PODXL: variants seen among roughly 807,000 people sequenced by gnomAD.
The protein encoded by PODXL is podocalyxin.
A neutral mutation model predicts 48.9 loss-of-function variants in PODXL; 20 were observed. The ratio of observed to expected loss-of-function variants is 0.41; its 90% CI spans 0.29 to 0.59. The LOEUF is 0.59. Among genes scored for constraint, PODXL ranks in the 20% least tolerant of loss-of-function variants. The pLI is 0.31. For missense variants in PODXL, 606 were observed against 675.1 expected, an observed-to-expected ratio of 0.90 and a Z score of 1.13; for synonymous variants, 295 against 287.4, an observed-to-expected ratio of 1.03 and a Z score of -0.27.
intron 1 of PODXL, among the ~76,000 whole-genome samples, chr7:131,544,651 TGTACTACGCACGCACGC>T (rs1798539967): frequency 1.2e-4 from 3 of 24,402 alleles, no homozygotes; most frequent in Non-Finnish European, 1.3e-3. Flanking sequence ...ACGCACGCCC[TGTACTACGCACGCACGC>T]CCTGTACTAC....
At chr7:131,521,555 G>A (rs1235944070) in intron 1 of PODXL, among the ~76,000 whole-genome samples, 1 of 152,088 alleles carries the variant, frequency 6.6e-6, no homozygotes, top group Non-Finnish European at 1.5e-5. Context: ...GGTTGGTCTC[G>A]AACTCCTGAC....
chr7:131,512,475 T>C (rs1019882188), intron 1 of PODXL, among the ~76,000 whole-genome samples: 1 of 152,062 alleles, frequency 6.6e-6, no homozygotes, highest in Non-Finnish European at 1.5e-5. Context: ...AGGAGAATGC[T>C]GTGTGAAGAA....
At chr7:131,546,859 C>T (rs996575634) in intron 1 of PODXL, among the ~76,000 whole-genome samples, 3 of 152,006 alleles carry the variant, frequency 2.0e-5, no homozygotes, top group Non-Finnish European at 4.4e-5. Flanking sequence ...TCAGTGGCTT[C>T]TTAGCTAAGC....
At chr7:131,547,782 C>T (rs958689275) in intron 1 of PODXL, among the ~76,000 whole-genome samples, 17 of 152,246 alleles carry the variant, frequency 1.1e-4, no homozygotes, top group Non-Finnish European at 2.9e-5. Flanking sequence ...CCCAAGCCCT[C>T]AGTGGCCCCC....
chr7:131,538,191 C>T (rs1199971782), intron 1 of PODXL, among the ~76,000 whole-genome samples: 1 of 152,034 alleles, frequency 6.6e-6, no homozygotes, highest in Non-Finnish European at 1.5e-5. Flanking sequence ...GGGAGGATGA[C>T]CCCCCTACCC....
At chr7:131,539,001 C>T (rs574070804) in intron 1 of PODXL, among the ~76,000 whole-genome samples, 1 of 152,346 alleles carries the variant, frequency 6.6e-6, no homozygotes, top group East Asian at 1.9e-4. Flanking sequence ...CAGGGACAGC[C>T]AACACACCAG....
intron 1 of PODXL, among the ~76,000 whole-genome samples, chr7:131,530,663 G>A (rs1562912053): frequency 6.6e-6 from 1 of 151,440 alleles, no homozygotes; most frequent in Non-Finnish European, 1.5e-5. Flanking sequence ...AGGATCACTT[G>A]AGCCCAGTGA....
intron 8 of PODXL, among the ~76,000 whole-genome samples, chr7:131,505,029 G>A (rs924433440): frequency 1.3e-5 from 2 of 152,126 alleles, no homozygotes; most frequent in Non-Finnish European, 2.9e-5. Flanking sequence ...CACCTGGGGA[G>A]CTTTTAACAA....
intron 1 of PODXL, among the ~76,000 whole-genome samples, chr7:131,515,555 C>T (rs867732946): frequency 6.6e-6 from 1 of 152,116 alleles, no homozygotes; most frequent in Non-Finnish European, 1.5e-5. Context: ...GTGCACGCCA[C>T]CATGCCCAAC....
At chr7:131,523,057 G>C (rs1798114226) in intron 1 of PODXL, among the ~76,000 whole-genome samples, 1 of 152,164 alleles carries the variant, frequency 6.6e-6, no homozygotes, top group Admixed American at 6.5e-5. Flanking sequence ...GATTGGAATT[G>C]CTAGGTCATA....
intron 6 of PODXL, 69 bp downstream of exon 6, chr7:131,506,510 G>A: frequency 6.5e-7 from 1 of 1,544,850 alleles, no homozygotes; most frequent in Non-Finnish European, 8.9e-7. Context: ...ACCCTCCAAT[G>A]TGGCTTCTGC....
intron 1 of PODXL, among the ~76,000 whole-genome samples, chr7:131,514,073 C>G (rs1562905865): frequency 6.6e-6 from 1 of 152,122 alleles, no homozygotes; most frequent in Non-Finnish European, 1.5e-5. Context: ...TTTGGTGTGG[C>G]CCAGTGGCTG....
intron 1 of PODXL, among the ~76,000 whole-genome samples, chr7:131,516,680 G>T (rs1281444940): frequency 1.3e-5 from 2 of 151,260 alleles, no homozygotes; most frequent in African/African-American, 4.9e-5. Context: ...TCTCTGAAAT[G>T]AGAATGTATT....
intron 1 of PODXL, among the ~76,000 whole-genome samples, chr7:131,530,721 G>A (rs1340236841): frequency 6.8e-6 from 1 of 146,018 alleles, no homozygotes; most frequent in Non-Finnish European, 1.5e-5. Context: ...TCACACCACT[G>A]CACTCCAGCC....
At chr7:131,543,484 A>G (rs1798516031) in intron 1 of PODXL, among the ~76,000 whole-genome samples, 1 of 152,126 alleles carries the variant, frequency 6.6e-6, no homozygotes, top group African/African-American at 2.4e-5. Context: ...CGCATCCCAG[A>G]GTCATAATGT....
At chr7:131,512,864 T>C (rs924920427) in intron 1 of PODXL, among the ~76,000 whole-genome samples, 1 of 151,836 alleles carries the variant, frequency 6.6e-6, no homozygotes, top group Non-Finnish European at 1.5e-5. Flanking sequence ...GTAAAGTAAC[T>C]GGGCGTGGTG....
intron 1 of PODXL, chr7:131,520,390 C>A: frequency 2.5e-6 from 1 of 400,366 alleles, no homozygotes; most frequent in Non-Finnish European, 4.8e-6. Context: ...TATCCCTGTG[C>A]GGTTGTCCAG....
intron 1 of PODXL, among the ~76,000 whole-genome samples, chr7:131,538,429 C>A (rs1009641343): frequency 1.3e-5 from 2 of 152,280 alleles, no homozygotes; most frequent in African/African-American, 4.8e-5. Flanking sequence ...ATGACCTCTA[C>A]AGTCTCACCT....
chr7:131,509,539 C>A lies in PODXL; in HGVS notation c.849G>T (p.Met283Ile). The change falls in exon 4 of 9, where the codon ATG (methionine) becomes ATT (isoleucine). Residue 283 changes from methionine (M) to isoleucine (I), a missense_variant. Transcript: ENST00000378555. ...AGGAAGGGGCCGTAGAGCTGGCTGG[C>A]ATCTGACTGGAGGTCTGTTGAGTTC... ...SQRTQQTSSQ[M>I]PASSTAPSSQ... 6.3e-7 allele frequency: 1 copy of A among 1,598,798 alleles called. No individual in the cohort carries two copies. The highest frequency in any genetic ancestry group is 8.5e-7 in the Non-Finnish European group (1 of 1,170,418).
Sources: allele counts gnomAD v4.1 joint callset (sites outside exome capture counted in the v4.1 genomes callset), GRCh38; gene constraint gnomAD v4.1.1; transcripts MANE v1.5; gene names NCBI Gene and HGNC (gene_info 2026-07-23, HGNC 2026-07-21).